The following NTAQ1 variants were observed in gnomAD, a reference collection of about 807,000 sequenced individuals.
NTAQ1 encodes protein N-terminal glutamine amidohydrolase.
In NTAQ1, 21 loss-of-function variants were observed where a neutral mutation model predicts 28.2. That is an observed-to-expected ratio of 0.74 (90% CI 0.53 to 1.07). The LOEUF (loss-of-function observed/expected upper bound fraction) is 1.07, where lower values mean the gene tolerates loss of function less well. Ranked by LOEUF, NTAQ1 falls within the 50% of genes least tolerant of loss-of-function variation. The probability of loss-of-function intolerance (pLI) is 0.00; values close to 1 mark genes in which losing one functional copy is unlikely to be tolerated. For missense variants in NTAQ1, 264 were observed against 256.6 expected (o/e 1.03, Z -0.20); for synonymous variants, 105 against 90.0 (o/e 1.17, Z -0.94).
At chr8:123,453,368 G>A (rs1815558873) in intron 6 of NTAQ1, among the ~76,000 whole-genome samples, 1 of 151,766 alleles carries the variant, frequency 6.6e-6, no homozygotes, top group African/African-American at 2.4e-5. Flanking sequence ...ATGAGATTGT[G>A]TGTGTGTTGG....
At chr8:123,434,690 A>G (rs12679109) in intron 3 of NTAQ1, among the ~76,000 whole-genome samples, 54,969 of 151,908 alleles carry the variant, frequency 0.36, 10,038 homozygotes, top group East Asian at 0.56. Context: ...CAGAATTTGG[A>G]TAAGGCGGAG....
chr8:123,468,165 G>A (rs1816002083), exon 7 of NTAQ1, among the ~76,000 whole-genome samples: 1 of 152,160 alleles, frequency 6.6e-6, no homozygotes. Flanking sequence ...TAGTGGGGTA[G>A]GGAATAAGCT....
Position 123,462,667 on chromosome 8 carries a change from A to G in NTAQ1, c.373-4412A>G, listed in dbSNP as rs569433427. On this transcript the variant is annotated intron_variant, in intron 6 of 6. Transcript: ENST00000650311. Reference sequence around the variant, plus strand: ...TCCCACTTCACAGATTACGAAGCGGACACTCAAAGAGGTCCCCCAGCTAGT... The same window carrying G: ...TCCCACTTCACAGATTACGAAGCGGGCACTCAAAGAGGTCCCCCAGCTAGT... Among the ~76,000 whole-genome samples the G allele has an allele frequency of 1.6e-3, 241 of 152,304 alleles. 1 individual carries two copies. In the South Asian group the frequency reaches 0.027, roughly 17 times the overall value.
At chr8:123,439,593 G>A (rs181740684) in intron 5 of NTAQ1, among the ~76,000 whole-genome samples, 3 of 151,996 alleles carry the variant, frequency 2.0e-5, no homozygotes, top group Middle Eastern at 3.4e-3. Flanking sequence ...TGATCTGCCC[G>A]CCTCGGCCTC....
At chr8:123,454,688 A>G (rs1185862710) in intron 6 of NTAQ1, among the ~76,000 whole-genome samples, 1 of 152,152 alleles carries the variant, frequency 6.6e-6, no homozygotes, top group African/African-American at 2.4e-5. Flanking sequence ...GGTTCAGAGC[A>G]TCTACTACAT....
rs148610667 is a variant in NTAQ1, at chr8:123,429,984, T to C, written c.185T>C (p.Ile62Thr). Residue 62 changes from isoleucine (I) to threonine (T), a missense_variant and splice_region_variant, in exon 3 of 6, where the codon ATA becomes ACA. Coordinates refer to ENST00000287387, the MANE Select transcript of NTAQ1 (RefSeq NM_018024.3). ...AVFISNERKM[I>T]PIWKQQARPG... ...TACGAAATGTATTGTATTTTGTAGA[T>C]ACCTATCTGGAAACAACAGGCGAGA... is the stretch of plus-strand genomic sequence containing the variant. 1 of 1,610,754 alleles carries C rather than the reference T, an allele frequency of 6.2e-7. No individual in the cohort carries two copies. The highest frequency in any genetic ancestry group is 8.5e-7 in the Non-Finnish European group (1 of 1,178,066).
chr8:123,445,686 G>A (rs7831088), downstream of NTAQ1, among the ~76,000 whole-genome samples: 55,097 of 151,888 alleles, frequency 0.36, 10,110 homozygotes, highest in East Asian at 0.56. Context: ...GCTCATTGTA[G>A]CCTCCGCCTC....
intron 6 of NTAQ1, among the ~76,000 whole-genome samples, chr8:123,457,664 C>T (rs1207622511): frequency 6.6e-6 from 1 of 152,004 alleles, no homozygotes; most frequent in East Asian, 1.9e-4. Context: ...GCTAGGGTCA[C>T]GGGAGGGAGG....
exon 7 of NTAQ1, among the ~76,000 whole-genome samples, chr8:123,467,967 C>G (rs1484160760): frequency 6.6e-6 from 1 of 152,068 alleles, no homozygotes; most frequent in Non-Finnish European, 1.5e-5. Flanking sequence ...AGGCTGGTCT[C>G]GAACTCCTGA....
intron 1 of NTAQ1, among the ~76,000 whole-genome samples, chr8:123,427,442 G>A (rs1438031916): frequency 2.6e-5 from 4 of 151,780 alleles, no homozygotes; most frequent in Admixed American, 6.6e-5. Flanking sequence ...TAGTAGAGAC[G>A]GGGTTTCACC....
At chr8:123,471,879 C>T (rs1454984336), downstream of NTAQ1, among the ~76,000 whole-genome samples, 1 of 152,180 alleles carries the variant, frequency 6.6e-6, no homozygotes, top group Non-Finnish European at 1.5e-5. Flanking sequence ...AATATCTGGG[C>T]ACCCCATGAC....
downstream of NTAQ1, among the ~76,000 whole-genome samples, chr8:123,474,477 A>G (rs1267457993): frequency 6.6e-6 from 1 of 152,242 alleles, no homozygotes; most frequent in Non-Finnish European, 1.5e-5. Context: ...CCAGAAGTAC[A>G]CAATGCTAGT....
rs776086625 is a variant in NTAQ1 at position 123,430,020 on chromosome 8, G to T, written c.221G>T (p.Gly74Val). The T allele has an allele frequency of 6.2e-7, 1 of 1,613,310 alleles. No homozygotes were observed. The highest frequency in any genetic ancestry group is 1.1e-5 in the South Asian group (1 of 90,976). Residue 74 changes from glycine to valine, a missense_variant, in exon 3 of 6, where the codon GGA (glycine) becomes GTA (valine). Coordinates refer to ENST00000287387, the MANE Select transcript of NTAQ1 (RefSeq NM_018024.3). ...IWKQQARPGD[G>V]PVIWDYHVVL... ...AAACAACAGGCGAGACCTGGAGATGGACCTGTGATCTGGGTAAGACAGTTA... is the reference window on the plus strand; with the variant it reads ...AAACAACAGGCGAGACCTGGAGATGTACCTGTGATCTGGGTAAGACAGTTA...
chr8:123,460,156 AT>A (rs1376662521), intron 6 of NTAQ1, among the ~76,000 whole-genome samples: 3 of 152,150 alleles, frequency 2.0e-5, no homozygotes, highest in Non-Finnish European at 2.9e-5. Context: ...TAAAAAAAAA[AT>A]CTTAAATAGT....
At chr8:123,449,093 G>A (rs3824255), downstream of NTAQ1, among the ~76,000 whole-genome samples, 55,085 of 151,972 alleles carry the variant, frequency 0.36, 10,100 homozygotes, top group East Asian at 0.56. Flanking sequence ...CTGTGTCACT[G>A]GGGGCCCCAT....
At chr8:123,421,775 G>C (rs1172228539) in intron 1 of NTAQ1, among the ~76,000 whole-genome samples, 1 of 150,828 alleles carries the variant, frequency 6.6e-6, no homozygotes, top group Non-Finnish European at 1.5e-5. Flanking sequence ...TGCAAGCTCC[G>C]TCTCCTGGGT....
intron 3 of NTAQ1, among the ~76,000 whole-genome samples, chr8:123,435,026 A>C (rs1814618235): frequency 6.6e-6 from 1 of 152,234 alleles, no homozygotes; most frequent in Non-Finnish European, 1.5e-5. Context: ...ACAGGGCTCA[A>C]GTAGAATGAT....
At chr8:123,475,684 G>C in the NTAQ1 span, among the ~76,000 whole-genome samples, 97 of 152,248 alleles carry the variant, frequency 6.4e-4, no homozygotes, top group African/African-American at 2.0e-3. Context: ...AAGAGAGTAG[G>C]TCCATTACAC....
At chr8:123,438,002 G>A (rs554522020) in intron 5 of NTAQ1, 92 of 585,120 alleles carry the variant, frequency 1.6e-4, no homozygotes, top group South Asian at 6.0e-4. Context: ...TTTGTGCTGT[G>A]GTGAAAGAAA....
Sources: allele counts gnomAD v4.1 joint callset (sites outside exome capture counted in the v4.1 genomes callset), GRCh38; gene constraint gnomAD v4.1.1; transcripts MANE v1.5; gene names NCBI Gene and HGNC (gene_info 2026-07-23, HGNC 2026-07-21).